ZGRF1: variants seen among roughly 807,000 people sequenced by gnomAD.
ZGRF1 encodes the protein 5'-3' DNA helicase ZGRF1.
ZGRF1 carries 196 observed loss-of-function variants against 203.5 expected under a neutral mutation model. That is an observed-to-expected ratio of 0.96 (90% CI 0.86 to 1.08). The LOEUF is 1.08. Among genes scored for constraint, ZGRF1 ranks in the 50% least tolerant of loss-of-function variants. The probability of loss-of-function intolerance (pLI) is 0.00; values close to 1 mark genes in which losing one functional copy is unlikely to be tolerated. For missense variants in ZGRF1, 2,326 were observed against 2,416.3 expected, an observed-to-expected ratio of 0.96 and a Z score of 0.78; for synonymous variants, 809 against 841.3, an observed-to-expected ratio of 0.96 and a Z score of 0.66.
At chr4:112,572,919 G>A (rs1250899156) in intron 16 of ZGRF1, among the ~76,000 whole-genome samples, 1 of 152,088 alleles carries the variant, frequency 6.6e-6, no homozygotes, top group Non-Finnish European at 1.5e-5. Context: ...TGGCAGGGAT[G>A]AAAGGGAACA....
chr4:112,605,951 T>C lies in ZGRF1; in HGVS notation c.2802+57A>G, dbSNP rs1189870443. On this transcript the variant is annotated intron_variant, in intron 9 of 27. Transcript: ENST00000505019. Reference sequence around the variant, plus strand: ...TACTTGTTTTTTTGTTTTTTTGTTTTAAACAGAAAAGAAAATGTAGTTGGT... The same window carrying C: ...TACTTGTTTTTTTGTTTTTTTGTTTCAAACAGAAAAGAAAATGTAGTTGGT... The C allele has an allele frequency of 4.3e-6, 5 of 1,157,498 alleles. No individual in the cohort carries two copies. In the East Asian group the frequency reaches 1.2e-4, roughly 27 times the overall value. 71.7% of individuals were successfully genotyped at this position (1,157,498 alleles called of 1,614,324 possible). A position where few individuals can be genotyped will look rare whatever the true frequency, so the allele number is the denominator to read the frequency against.
At chr4:112,539,809 C>T (rs1169829635) in intron 27 of ZGRF1, 54 bp downstream of exon 27, 2 of 1,600,842 alleles carry the variant, frequency 1.2e-6, no homozygotes. Context: ...AGCATTAACC[C>T]ATAAAAGTCA....
rs1268075407 is a variant in ZGRF1, at chr4:112,577,065, C to T, written c.4438+4598G>A. Among the ~76,000 whole-genome samples, 2 of 126,288 alleles carry T rather than the reference C, an allele frequency of 1.6e-5. 1 individual carries two copies. Among genetic ancestry groups the T allele is most frequent in the African/African-American group, 5.5e-5 (2 of 36,590 alleles). The allele number at this position is 126,288 out of a possible 152,430, so 82.8% of individuals were successfully genotyped here. On this transcript the variant is annotated intron_variant, in intron 16 of 27. Transcript: ENST00000505019. ...TACCCACAAAGGGAAGCCCATTAGA[C>T]TAACAGCTGATCTCTCAGCAGAAAC...
At chr4:112,559,342 G>A (rs1335783107) in intron 19 of ZGRF1, among the ~76,000 whole-genome samples, 2 of 152,174 alleles carry the variant, frequency 1.3e-5, no homozygotes, top group Non-Finnish European at 2.9e-5. Context: ...GGGACTACAG[G>A]TGCATGCCTC....
chr4:112,563,871 C>T (rs1172137962), intron 16 of ZGRF1, among the ~76,000 whole-genome samples: 1 of 152,124 alleles, frequency 6.6e-6, no homozygotes, highest in Non-Finnish European at 1.5e-5. Context: ...GCAAAGGGGC[C>T]AAGGCACTCC....
intron 19 of ZGRF1, among the ~76,000 whole-genome samples, chr4:112,559,962 C>A (rs1741646004): frequency 6.6e-6 from 1 of 152,152 alleles, no homozygotes; most frequent in Admixed American, 6.5e-5. Context: ...AGTGACTAAT[C>A]TGATGGCGGG....
intron 9 of ZGRF1, among the ~76,000 whole-genome samples, chr4:112,604,366 T>G (rs1198761896): frequency 6.6e-6 from 1 of 152,166 alleles, no homozygotes; most frequent in East Asian, 1.9e-4. Context: ...TTCCACTATA[T>G]ATTATACAAC....
intron 17 of ZGRF1, 95 bp downstream of exon 17, chr4:112,563,036 G>T: frequency 1.0e-6 from 1 of 984,042 alleles, no homozygotes; most frequent in Non-Finnish European, 1.5e-6. Context: ...GTCGAAACTA[G>T]AGTTGGGTCC....
intron 22 of ZGRF1, among the ~76,000 whole-genome samples, chr4:112,551,824 T>A (rs1740013294): frequency 6.8e-6 from 1 of 147,198 alleles, no homozygotes; most frequent in Non-Finnish European, 1.5e-5. Context: ...AAACCTAAAG[T>A]ATTAAGTTTT....
In ZGRF1 at chr4:112,589,828, G is replaced by A. The variant is rs1747846125; in HGVS notation, c.3023C>T (p.Thr1008Ile). The A allele has an allele frequency of 6.2e-7, 1 of 1,613,326 alleles. No individual in the cohort carries two copies. The highest frequency in any genetic ancestry group is 8.5e-7 in the Non-Finnish European group (1 of 1,179,616). ...TTCATCTCTTGAGTTCAAAGAAAAG[G>A]TAGAAACAGGGCTCAATGTAGAGAT... ...ENISTLSPVS[T>I]FSLNSRDEDF... Residue 1008 changes from threonine to isoleucine, a missense_variant, in exon 11 of 28, where the codon ACC becomes ATC. By Grantham distance (89) the Thr-to-Ile change is moderately conservative. Transcript: ENST00000505019.
At position 112,594,964 on chromosome 4, in the gene ZGRF1, G is replaced by C. The variant is rs769489685; in HGVS notation, c.2977-5090C>G. Among the ~76,000 whole-genome samples the C allele has an allele frequency of 3.9e-5, 6 of 152,122 alleles. No homozygotes were observed. In the South Asian group the frequency reaches 8.3e-4, roughly 21 times the overall value. Reference sequence around the variant, plus strand: ...TTAACAAAAATTACTCCACAGGCCAGGTGCGGTGGCTCACGCCTGTAATCC... The same window carrying C: ...TTAACAAAAATTACTCCACAGGCCACGTGCGGTGGCTCACGCCTGTAATCC... On this transcript the variant is annotated intron_variant, in intron 10 of 27. Transcript: ENST00000505019.
chr4:112,550,508 AG>A (rs1384191248), intron 22 of ZGRF1, among the ~76,000 whole-genome samples: 1 of 152,224 alleles, frequency 6.6e-6, no homozygotes, highest in Non-Finnish European at 1.5e-5. Flanking sequence ...TATTGAAGAA[AG>A]AAAAAATTTT....
chr4:112,635,910 A>C (rs1162094619), intron 1 of ZGRF1, among the ~76,000 whole-genome samples: 1 of 152,078 alleles, frequency 6.6e-6, no homozygotes, highest in African/African-American at 2.4e-5. Flanking sequence ...CAGTTTAAAA[A>C]GAACTAAGAA....
Position 112,560,940 on chromosome 4 carries a change from G to C in ZGRF1, c.4753C>G (p.Pro1585Ala), listed in dbSNP as rs766355556. Reference sequence around the variant, plus strand: ...TTTGTACTGACATTTGTGAAGGCTGGTGGGATAAATTTTCTCTTACTGACT... The same window carrying C: ...TTTGTACTGACATTTGTGAAGGCTGCTGGGATAAATTTTCTCTTACTGACT... ...KRVSKRKFIP[P>A]AFTNVSTKFE... is the part of the protein sequence containing the mutation. Residue 1585 changes from proline (P) to alanine (A), a missense_variant, in exon 19 of 28, where the codon CCA becomes GCA. Pro to Ala is a conservative substitution (Grantham distance 27, BLOSUM62 -1). Coordinates refer to ENST00000505019, the MANE Select transcript of ZGRF1 (RefSeq NM_018392.5). 1 of 1,611,904 alleles carries C rather than the reference G, an allele frequency of 6.2e-7. No individual in the cohort carries two copies. Among genetic ancestry groups the C allele is most frequent in the Non-Finnish European group, 8.5e-7 (1 of 1,178,422 alleles).
At chr4:112,614,851 T>C (rs199625946) in intron 6 of ZGRF1, among the ~76,000 whole-genome samples, 83 of 151,456 alleles carry the variant, frequency 5.5e-4, no homozygotes, top group East Asian at 4.7e-3. Context: ...CCCCTAAGAA[T>C]AGTGCTATCT....
At chr4:112,623,972 T>A in intron 3 of ZGRF1, 96 bp from the exon 4 acceptor site, 1 of 665,870 alleles carries the variant, frequency 1.5e-6, no homozygotes, top group South Asian at 1.9e-5. Context: ...ATATAAGTAA[T>A]CATATAATGA....
intron 10 of ZGRF1, among the ~76,000 whole-genome samples, chr4:112,599,729 A>AG (rs1375123352): frequency 6.6e-6 from 1 of 152,112 alleles, no homozygotes; most frequent in African/African-American, 2.4e-5. Flanking sequence ...TTAAAAAAAA[A>AG]GGAAGAAAGA....
intron 12 of ZGRF1, 39 bp downstream of exon 12, chr4:112,587,241 A>G: frequency 1.3e-6 from 2 of 1,534,828 alleles, no homozygotes. Context: ...GACAATAACT[A>G]TTGGAAAAAT....
intron 22 of ZGRF1, among the ~76,000 whole-genome samples, chr4:112,550,016 C>A (rs1470931410): frequency 6.6e-6 from 1 of 152,002 alleles, no homozygotes; most frequent in African/African-American, 2.4e-5. Flanking sequence ...CATGGTGAAA[C>A]CCCGTCTCTA....
Sources: allele counts gnomAD v4.1 joint callset (sites outside exome capture counted in the v4.1 genomes callset), GRCh38; gene constraint gnomAD v4.1.1; transcripts MANE v1.5; gene names NCBI Gene and HGNC (gene_info 2026-07-23, HGNC 2026-07-21).